CTNNA3: variants seen among roughly 807,000 people sequenced by gnomAD.
CTNNA3 encodes catenin alpha-3.
In CTNNA3, 76 loss-of-function variants were observed where a neutral mutation model predicts 95.7. The ratio of observed to expected loss-of-function variants is 0.79; its 90% confidence interval spans 0.66 to 0.96. CTNNA3 has a LOEUF of 0.96. CTNNA3 is among the 40% of genes least tolerant of loss of function. CTNNA3 has a pLI of 0.00. For synonymous variants in CTNNA3, 431 were observed against 374.4 expected (o/e 1.15, Z -1.74); for missense variants, 1,191 against 1,089.8 (o/e 1.09, Z -1.31).
At chr10:66,421,661 T>C (rs578148736) in intron 11 of CTNNA3, among the ~76,000 whole-genome samples, 15 of 151,320 alleles carry the variant, frequency 9.9e-5, no homozygotes, top group African/African-American at 3.6e-4. Flanking sequence ...AGTGAAACCC[T>C]GTCTCTACTA....
chr10:67,669,653 C>A (rs1467378627), intron 1 of CTNNA3, among the ~76,000 whole-genome samples: 3 of 152,162 alleles, frequency 2.0e-5, no homozygotes, highest in Non-Finnish European at 4.4e-5. Context: ...TAATGGAATG[C>A]TAATTACCAT....
chr10:67,183,252 C>T (rs142939663), intron 6 of CTNNA3, among the ~76,000 whole-genome samples: 3,320 of 152,152 alleles, frequency 0.022, 90 homozygotes, highest in African/African-American at 0.072. Context: ...ATGTTTATTG[C>T]GGCACTATTC....
intron 9 of CTNNA3, among the ~76,000 whole-genome samples, chr10:66,736,088 C>T (rs1040792661): frequency 2.6e-5 from 4 of 152,208 alleles, no homozygotes; most frequent in South Asian, 2.1e-4. Context: ...CGCCCAACAA[C>T]GACCCAGCCT....
At chr10:66,167,006 CTG>C (rs997368600) in intron 13 of CTNNA3, among the ~76,000 whole-genome samples, 2 of 152,144 alleles carry the variant, frequency 1.3e-5, no homozygotes, top group Admixed American at 1.3e-4. Context: ...ATAAAGGAAA[CTG>C]GAAAGTAAGG....
At chr10:66,741,900 G>A (rs936467930) in intron 9 of CTNNA3, among the ~76,000 whole-genome samples, 10 of 151,934 alleles carry the variant, frequency 6.6e-5, no homozygotes, top group African/African-American at 9.7e-5. Flanking sequence ...ATCTTCATAA[G>A]CTGAGGAGGA....
At chr10:67,224,912 G>A (rs1428266600) in intron 5 of CTNNA3, among the ~76,000 whole-genome samples, 1 of 152,160 alleles carries the variant, frequency 6.6e-6, no homozygotes, top group Non-Finnish European at 1.5e-5. Flanking sequence ...CCAGCATGCA[G>A]ACTCCACAGC....
intron 9 of CTNNA3, among the ~76,000 whole-genome samples, chr10:66,673,263 C>A (rs1379825582): frequency 6.6e-6 from 1 of 152,034 alleles, no homozygotes; most frequent in Non-Finnish European, 1.5e-5. Context: ...TTCCATCATG[C>A]TTATCTCTTT....
intron 5 of CTNNA3, among the ~76,000 whole-genome samples, chr10:67,238,914 G>A (rs1045861947): frequency 6.6e-5 from 10 of 151,898 alleles, no homozygotes; most frequent in Non-Finnish European, 1.3e-4. Flanking sequence ...ATACATTTTT[G>A]TTAAGGAAAC....
chr10:66,790,591 C>T (rs942330732), intron 7 of CTNNA3, among the ~76,000 whole-genome samples: 9 of 152,064 alleles, frequency 5.9e-5, no homozygotes, highest in Admixed American at 2.0e-4. Flanking sequence ...TATAATGTGC[C>T]AAGGCCTGGA....
chr10:67,437,380 T>C (rs1376984216), intron 5 of CTNNA3, among the ~76,000 whole-genome samples: 2 of 152,056 alleles, frequency 1.3e-5, no homozygotes, highest in East Asian at 3.9e-4. Flanking sequence ...TGTATACTGC[T>C]TGGGTGATGG....
intron 13 of CTNNA3, among the ~76,000 whole-genome samples, chr10:66,202,632 A>G (rs2087503446): frequency 6.6e-6 from 1 of 152,144 alleles, no homozygotes; most frequent in East Asian, 1.9e-4. Context: ...CTTCTACCAG[A>G]CTGGGTAATC....
intron 5 of CTNNA3, among the ~76,000 whole-genome samples, chr10:67,233,672 T>G (rs1404138428): frequency 2.0e-5 from 3 of 148,446 alleles, no homozygotes; most frequent in Admixed American, 6.7e-5. Context: ...AGAGCAGAAC[T>G]GAAGGAAATA....
chr10:67,623,633 G>A (rs1456610409), intron 2 of CTNNA3, among the ~76,000 whole-genome samples: 1 of 152,134 alleles, frequency 6.6e-6, no homozygotes, highest in Non-Finnish European at 1.5e-5. Context: ...CATAGGAATT[G>A]TGTGTGACTC....
chr10:67,313,392 A>G (rs1840900483), intron 5 of CTNNA3, among the ~76,000 whole-genome samples: 1 of 151,846 alleles, frequency 6.6e-6, no homozygotes, highest in Non-Finnish European at 1.5e-5. Context: ...AGATCGCGCC[A>G]CTGCACTCCA....
intron 5 of CTNNA3, among the ~76,000 whole-genome samples, chr10:67,391,258 A>G (rs923758582): frequency 7.2e-5 from 11 of 151,958 alleles, no homozygotes; most frequent in Admixed American, 3.9e-4. Context: ...TTATACACCA[A>G]CAACAGACAA....
At chr10:66,917,230 G>A (rs1846535107) in intron 7 of CTNNA3, among the ~76,000 whole-genome samples, 1 of 152,086 alleles carries the variant, frequency 6.6e-6, no homozygotes, top group Non-Finnish European at 1.5e-5. Flanking sequence ...AAGGATCTGT[G>A]GCATTTGCTA....
At chr10:66,457,942 T>C (rs1483096586) in intron 11 of CTNNA3, among the ~76,000 whole-genome samples, 3 of 152,128 alleles carry the variant, frequency 2.0e-5, no homozygotes, top group African/African-American at 7.2e-5. Context: ...CCTTGGAAGA[T>C]AGGTAGAGGG....
intron 7 of CTNNA3, among the ~76,000 whole-genome samples, chr10:67,171,461 C>T (rs1279593578): frequency 6.6e-6 from 1 of 151,888 alleles, no homozygotes; most frequent in Non-Finnish European, 1.5e-5. Context: ...GTAATCCCAG[C>T]TACTCAGGAG....
chr10:66,749,773 G>A (rs535092803), intron 9 of CTNNA3, among the ~76,000 whole-genome samples: 1 of 152,280 alleles, frequency 6.6e-6, no homozygotes, highest in East Asian at 1.9e-4. Flanking sequence ...GTTTAGTTTT[G>A]TAAGAAACTG....
Sources: allele counts gnomAD v4.1 joint callset (sites outside exome capture counted in the v4.1 genomes callset), GRCh38; gene constraint gnomAD v4.1.1; transcripts MANE v1.5; gene names NCBI Gene and HGNC (gene_info 2026-07-23, HGNC 2026-07-21).